The following TENM2 variants were observed in gnomAD, a reference collection of about 807,000 sequenced individuals.
TENM2 encodes the protein teneurin-2.
In TENM2, 52 loss-of-function variants were observed where a neutral mutation model predicts 245.2. The ratio of observed to expected loss-of-function variants is 0.21; its 90% CI spans 0.17 to 0.27. The LOEUF (loss-of-function observed/expected upper bound fraction) is 0.27, where lower values mean the gene tolerates loss of function less well. Ranked by LOEUF, TENM2 falls within the 10% of genes least tolerant of loss-of-function variation. TENM2 has a pLI of 1.00. For missense variants in TENM2, 3,046 were observed against 3,666.8 expected (o/e 0.83, Z 4.37); for synonymous variants, 1,363 against 1,438.9 (o/e 0.95, Z 1.19).
At chr5:167,558,549 G>A (rs758165870) in intron 2 of TENM2, among the ~76,000 whole-genome samples, 4 of 152,124 alleles carry the variant, frequency 2.6e-5, no homozygotes, top group Admixed American at 1.3e-4. Flanking sequence ...CATTAGATTC[G>A]CATAGGAGCA....
intron 7 of TENM2, among the ~76,000 whole-genome samples, chr5:168,062,666 T>C (rs1314048644): frequency 6.6e-6 from 1 of 152,166 alleles, no homozygotes; most frequent in Non-Finnish European, 1.5e-5. Context: ...CAAAATCCGA[T>C]ATAGCCGTAC....
At chr5:167,811,391 C>T (rs904326343) in intron 2 of TENM2, among the ~76,000 whole-genome samples, 1 of 152,052 alleles carries the variant, frequency 6.6e-6, no homozygotes, top group Admixed American at 6.6e-5. Context: ...TCCACTCTCT[C>T]TCTTGCTCCT....
chr5:167,765,493 T>C (rs1411044078), intron 2 of TENM2, among the ~76,000 whole-genome samples: 1 of 152,180 alleles, frequency 6.6e-6, no homozygotes, highest in Non-Finnish European at 1.5e-5. Flanking sequence ...TGTGCCTAAG[T>C]GTTACATCAG....
chr5:167,330,445 A>G (rs1319896849), intron 1 of TENM2, among the ~76,000 whole-genome samples: 1 of 152,180 alleles, frequency 6.6e-6, no homozygotes, highest in Admixed American at 6.5e-5. Context: ...TTGCTGGGGT[A>G]GAAGTAGAAG....
intron 3 of TENM2, among the ~76,000 whole-genome samples, chr5:167,950,367 C>T (rs1434087807): frequency 6.6e-6 from 1 of 152,104 alleles, no homozygotes; most frequent in Non-Finnish European, 1.5e-5. Flanking sequence ...AGTGAATACA[C>T]AGGAAGGAGG....
intron 13 of TENM2, among the ~76,000 whole-genome samples, chr5:168,175,822 A>G (rs1302547283): frequency 6.6e-6 from 1 of 152,226 alleles, no homozygotes; most frequent in African/African-American, 2.4e-5. Context: ...TACTTCTGCC[A>G]TGCTCACTCA....
At chr5:167,558,117 C>T (rs916421586) in intron 2 of TENM2, among the ~76,000 whole-genome samples, 2 of 152,084 alleles carry the variant, frequency 1.3e-5, no homozygotes, top group Admixed American at 6.6e-5. Flanking sequence ...GGTTCAAGCC[C>T]GTCAGAACAG....
chr5:167,924,174 A>G (rs1448330189), intron 3 of TENM2, among the ~76,000 whole-genome samples: 1 of 152,200 alleles, frequency 6.6e-6, no homozygotes. Context: ...CATCAGTCCC[A>G]TATTTGTCTT....
intron 3 of TENM2, among the ~76,000 whole-genome samples, chr5:167,902,122 C>T (rs1417726274): frequency 6.6e-6 from 1 of 152,014 alleles, no homozygotes; most frequent in South Asian, 2.1e-4. Context: ...CAACATGCAA[C>T]AGATTTTTAG....
chr5:167,614,612 C>A (rs182746594), intron 2 of TENM2, among the ~76,000 whole-genome samples: 18 of 152,088 alleles, frequency 1.2e-4, no homozygotes, highest in African/African-American at 4.1e-4. Context: ...TTTTAGGGTA[C>A]CTTCATAGGC....
At chr5:168,033,064 A>G (rs1335428684) in intron 5 of TENM2, 2 of 152,172 alleles carry the variant, frequency 1.3e-5, no homozygotes, top group Non-Finnish European at 2.9e-5. Context: ...TAAAAAATAG[A>G]TTGCTATTTT....
At chr5:167,192,291 G>A in the TENM2 span, among the ~76,000 whole-genome samples, 1 of 151,938 alleles carries the variant, frequency 6.6e-6, no homozygotes, top group Non-Finnish European at 1.5e-5. Flanking sequence ...GTGTATTCTT[G>A]TGTCTCGATT....
intron 2 of TENM2, among the ~76,000 whole-genome samples, chr5:167,418,904 A>G (rs1763324242): frequency 6.6e-6 from 1 of 152,172 alleles, no homozygotes; most frequent in Non-Finnish European, 1.5e-5. Flanking sequence ...TATCATATAT[A>G]GAAGTGTGCC....
At chr5:168,006,781 AT>A (rs983255614) in intron 5 of TENM2, among the ~76,000 whole-genome samples, 8 of 152,164 alleles carry the variant, frequency 5.3e-5, no homozygotes, top group Admixed American at 5.2e-4. Context: ...TGAAACAGCG[AT>A]TTATTTTAGA....
At chr5:167,589,888 T>C (rs1452101710) in intron 2 of TENM2, among the ~76,000 whole-genome samples, 1 of 151,552 alleles carries the variant, frequency 6.6e-6, no homozygotes, top group Non-Finnish European at 1.5e-5. Flanking sequence ...ATATATTTAT[T>C]TAAAAGAATT....
chr5:168,112,519 C>T (rs1250796036), intron 9 of TENM2, among the ~76,000 whole-genome samples: 1 of 147,488 alleles, frequency 6.8e-6, no homozygotes, highest in East Asian at 2.0e-4. Context: ...CCTCCAGCTC[C>T]ATCCATGTCC....
chr5:168,022,285 A>G (rs1052926690), intron 5 of TENM2, among the ~76,000 whole-genome samples: 5 of 152,124 alleles, frequency 3.3e-5, no homozygotes, highest in African/African-American at 9.7e-5. Flanking sequence ...CCACATCCCA[A>G]TTTGCTCTCT....
chr5:167,894,938 G>C, intron 3 of TENM2, among the ~76,000 whole-genome samples: 1 of 79,806 alleles, frequency 1.3e-5, no homozygotes, highest in South Asian at 5.5e-4. Flanking sequence ...AGGAAGGAAG[G>C]AAGGAAGGAA....
chr5:167,641,094 TTG>T (rs916653866), intron 2 of TENM2, among the ~76,000 whole-genome samples: 50 of 151,200 alleles, frequency 3.3e-4, no homozygotes, highest in Admixed American at 1.6e-3. Flanking sequence ...CCACTCAAGT[TTG>T]AGAACTTTTG....
Sources: allele counts gnomAD v4.1 joint callset (sites outside exome capture counted in the v4.1 genomes callset), GRCh38; gene constraint gnomAD v4.1.1; transcripts MANE v1.5; gene names NCBI Gene and HGNC (gene_info 2026-07-23, HGNC 2026-07-21).